ASPRV1: variants seen among roughly 807,000 people sequenced by gnomAD.
ASPRV1 encodes retroviral-like aspartic protease 1.
In ASPRV1, 7 loss-of-function variants were observed where a neutral mutation model predicts 11.0. The observed-to-expected ratio is 0.64, with a 90% CI of 0.36 to 1.20. The LOEUF (loss-of-function observed/expected upper bound fraction) is 1.20. Among genes scored for constraint, ASPRV1 ranks in the 50% most tolerant of loss-of-function variants. The probability of loss-of-function intolerance (pLI) is 0.02; values close to 1 mark genes in which losing one functional copy is unlikely to be tolerated. For missense variants in ASPRV1, 299 were observed against 320.0 expected (o/e 0.93, Z 0.50); for synonymous variants, 136 against 138.4 (o/e 0.98, Z 0.12).
At chr2:69,949,723 T>C in the ASPRV1 span, among the ~76,000 whole-genome samples, 1 of 152,348 alleles carries the variant, frequency 6.6e-6, no homozygotes, top group African/African-American at 2.4e-5. Context: ...AGTTTTACCC[T>C]GGGCTTTAAA....
chr2:69,982,866 A>G, the ASPRV1 span, among the ~76,000 whole-genome samples: 1 of 152,200 alleles, frequency 6.6e-6, no homozygotes, highest in Non-Finnish European at 1.5e-5. Context: ...AGGGCTAGCA[A>G]GGCTGGCAGA....
chr2:69,996,524 A>G, the ASPRV1 span, among the ~76,000 whole-genome samples: 1 of 152,330 alleles, frequency 6.6e-6, no homozygotes, highest in Admixed American at 6.5e-5. Context: ...GAACATTACT[A>G]TCATCATGGT....
chr2:70,034,038 C>T, the ASPRV1 span, among the ~76,000 whole-genome samples: 1 of 151,326 alleles, frequency 6.6e-6, no homozygotes, highest in African/African-American at 2.4e-5. Context: ...CCTGTAGTCC[C>T]AGCTACACGG....
At chr2:70,032,013 C>T in the ASPRV1 span, 1 of 152,118 alleles carries the variant, frequency 6.6e-6, no homozygotes, top group Non-Finnish European at 1.5e-5. Flanking sequence ...GAACCATGCC[C>T]ACGTCAATTG....
At chr2:70,073,390 A>G in the ASPRV1 span, 2 of 152,176 alleles carry the variant, frequency 1.3e-5, no homozygotes, top group Non-Finnish European at 2.9e-5. Context: ...TTAGTAGCTA[A>G]AAGTACGGGT....
chr2:70,085,792 T>TGGTA, the ASPRV1 span: 1 of 152,234 alleles, frequency 6.6e-6, no homozygotes, highest in Admixed American at 6.5e-5. Flanking sequence ...CACTTAATTG[T>TGGTA]GGTAAACTAT....
chr2:70,081,959 G>C, the ASPRV1 span, among the ~76,000 whole-genome samples: 2 of 151,662 alleles, frequency 1.3e-5, no homozygotes, highest in African/African-American at 2.4e-5. Flanking sequence ...AAAAAAAAAA[G>C]CTACGTTAGT....
At chr2:70,000,839 T>C in the ASPRV1 span, among the ~76,000 whole-genome samples, 2 of 95,576 alleles carry the variant, frequency 2.1e-5, no homozygotes, top group African/African-American at 7.6e-5. Flanking sequence ...AAAAGAAAAC[T>C]AGATAAAGCA....
the ASPRV1 span, among the ~76,000 whole-genome samples, chr2:70,004,358 C>T: frequency 1.3e-5 from 2 of 151,780 alleles, no homozygotes; most frequent in Non-Finnish European, 2.9e-5. Flanking sequence ...GGTAAAACCC[C>T]GTCTCTACTA....
the ASPRV1 span, chr2:69,935,532 C>T: frequency 9.0e-7 from 1 of 1,108,572 alleles, no homozygotes; most frequent in East Asian, 2.4e-5. Flanking sequence ...GTTGTTACAT[C>T]TCCAGGACAG....
chr2:69,990,843 G>C, the ASPRV1 span, among the ~76,000 whole-genome samples: 6 of 152,072 alleles, frequency 3.9e-5, no homozygotes, highest in Non-Finnish European at 2.9e-5. Context: ...AACTTCTTGG[G>C]AAGGGACATT....
At chr2:69,979,051 T>A in the ASPRV1 span, among the ~76,000 whole-genome samples, 2 of 152,224 alleles carry the variant, frequency 1.3e-5, no homozygotes, top group African/African-American at 4.8e-5. Context: ...TTTTTGTTTT[T>A]TTGAGACAAA....
chr2:70,022,919 G>A, the ASPRV1 span, among the ~76,000 whole-genome samples: 2 of 152,054 alleles, frequency 1.3e-5, 1 homozygote, highest in South Asian at 4.1e-4. Flanking sequence ...GACCAAAACT[G>A]CTGATACAGG....
the ASPRV1 span, among the ~76,000 whole-genome samples, chr2:70,013,165 C>T: frequency 5.9e-5 from 9 of 152,186 alleles, 1 homozygote; most frequent in African/African-American, 1.2e-4. Context: ...TTCAAAATGA[C>T]GAATGCATGA....
upstream of ASPRV1, among the ~76,000 whole-genome samples, chr2:69,965,993 C>T (rs1298323956): frequency 6.6e-6 from 1 of 152,224 alleles, no homozygotes; most frequent in Non-Finnish European, 1.5e-5. Flanking sequence ...CAGAACCCCT[C>T]TAACCAAAGT....
the ASPRV1 span, among the ~76,000 whole-genome samples, chr2:70,072,413 A>C: frequency 6.6e-6 from 1 of 150,840 alleles, no homozygotes; most frequent in African/African-American, 2.4e-5. Flanking sequence ...GCAAGACCCT[A>C]TCTCTTAAAA....
the ASPRV1 span, among the ~76,000 whole-genome samples, chr2:69,999,153 T>C: frequency 3.3e-5 from 5 of 152,176 alleles, no homozygotes; most frequent in Admixed American, 2.0e-4. Context: ...TGGAGTGCAG[T>C]GGCTAGTCAC....
the ASPRV1 span, chr2:70,056,044 C>A: frequency 6.6e-6 from 1 of 152,186 alleles, no homozygotes; most frequent in African/African-American, 2.4e-5. Context: ...CATGCTAGAG[C>A]ATGAATGAAC....
chr2:69,972,123 G>A, the ASPRV1 span, among the ~76,000 whole-genome samples: 2 of 151,606 alleles, frequency 1.3e-5, no homozygotes, highest in African/African-American at 2.4e-5. Context: ...GTGCAGTGGC[G>A]CGATCTCGGC....
Sources: allele counts gnomAD v4.1 joint callset (sites outside exome capture counted in the v4.1 genomes callset), GRCh38; gene constraint gnomAD v4.1.1; transcripts MANE v1.5; gene names NCBI Gene and HGNC (gene_info 2026-07-23, HGNC 2026-07-21).